The following ZNF398 variants were observed in gnomAD, a reference collection of about 807,000 sequenced individuals.
The protein encoded by ZNF398 is zinc finger DNA binding protein ZER6.
In ZNF398, 18 loss-of-function variants were observed where a neutral mutation model predicts 41.9. The ratio of observed to expected loss-of-function variants is 0.43; its 90% CI spans 0.30 to 0.64. The LOEUF (loss-of-function observed/expected upper bound fraction) is 0.64, where lower values mean the gene tolerates loss of function less well. ZNF398 is among the 30% of genes least tolerant of loss of function. ZNF398 has a pLI of 0.14. For missense variants in ZNF398, 669 were observed against 822.8 expected (o/e 0.81, Z 2.29); for synonymous variants, 260 against 308.8 (o/e 0.84, Z 1.66).
At chr7:149,160,154 C>G (rs1489983882) in intron 2 of ZNF398, among the ~76,000 whole-genome samples, 3 of 152,082 alleles carry the variant, frequency 2.0e-5, no homozygotes, top group Non-Finnish European at 2.9e-5. Flanking sequence ...ATCCTCTTTT[C>G]TAGGCCAGGC....
At chr7:149,161,249 G>A (rs577520445) in intron 2 of ZNF398, among the ~76,000 whole-genome samples, 2 of 152,222 alleles carry the variant, frequency 1.3e-5, no homozygotes, top group African/African-American at 4.8e-5. Context: ...AAAATATTGA[G>A]GAAAGGCAAA....
At chr7:149,175,021 T>G (rs917993749) in intron 4 of ZNF398, among the ~76,000 whole-genome samples, 1 of 152,200 alleles carries the variant, frequency 6.6e-6, no homozygotes, top group African/African-American at 2.4e-5. Flanking sequence ...AGCTTTTCTT[T>G]TAGGTCAGAA....
intron 4 of ZNF398, among the ~76,000 whole-genome samples, chr7:149,170,434 C>T (rs1182088620): frequency 6.6e-6 from 1 of 152,074 alleles, no homozygotes; most frequent in Non-Finnish European, 1.5e-5. Context: ...CAGCAAAAAT[C>T]TGGTGTAAAA....
At chr7:149,177,947 G>A (rs1002648619) in intron 5 of ZNF398, among the ~76,000 whole-genome samples, 10 of 151,912 alleles carry the variant, frequency 6.6e-5, no homozygotes, top group African/African-American at 1.2e-4. Flanking sequence ...CCAGGAGTTC[G>A]AGACCCCTGG....
Position 149,182,019 on chromosome 7 carries a change from G to A in ZNF398, c.*2218G>A, listed in dbSNP as rs190186917. On this transcript the variant is annotated 3_prime_UTR_variant, in exon 6 of 6. Coordinates refer to ENST00000475153, the MANE Select transcript of ZNF398 (RefSeq NM_170686.3). ...AAGCATTTGCCAGGGTATGCTGGAG[G>A]AGGGACTCCTAAAGTAGGTGAGATG... The A allele has an allele frequency of 6.6e-6, 1 of 152,338 alleles. No homozygotes were observed. The highest frequency in any genetic ancestry group is 1.9e-4 in the East Asian group (1 of 5,186). 9.4% of individuals were successfully genotyped at this position (152,338 alleles called of 1,614,324 possible). A position where few individuals can be genotyped will look rare whatever the true frequency, so the allele number is the denominator to read the frequency against.
At position 149,156,616 on chromosome 7, in the gene ZNF398, T is replaced by C. The variant is rs968564813; in HGVS notation, c.420+2276T>C. Among the ~76,000 whole-genome samples, 4 of 151,758 alleles carry C rather than the reference T, an allele frequency of 2.6e-5. 1 individual carries two copies. The highest frequency in any genetic ancestry group is 1.3e-4 in the Admixed American group (2 of 15,230). ...GCTCACGCCTGTAATCCCAGCACTT[T>C]GGGAGGCCAAGGCAGGTGGATCACC... On this transcript the variant is annotated intron_variant, in intron 2 of 5. Coordinates refer to ENST00000475153, the MANE Select transcript of ZNF398 (RefSeq NM_170686.3).
chr7:149,170,067 T>C (rs533503363), intron 4 of ZNF398, among the ~76,000 whole-genome samples: 30 of 152,312 alleles, frequency 2.0e-4, no homozygotes, highest in Non-Finnish European at 3.7e-4. Flanking sequence ...AAGGTTTTTA[T>C]TGGGGGCTAA....
At chr7:149,148,126 C>T in intron 1 of ZNF398, 1 of 258,630 alleles carries the variant, frequency 3.9e-6, no homozygotes, top group Non-Finnish European at 7.4e-6. Context: ...GCCATTCTCG[C>T]GGCCGCGGGA....
intron 2 of ZNF398, among the ~76,000 whole-genome samples, chr7:149,134,075 T>A (rs1826662506): frequency 6.7e-6 from 1 of 149,702 alleles, no homozygotes; most frequent in East Asian, 2.0e-4. Flanking sequence ...TTTTTTTTTT[T>A]TTTTTTGAGA....
chr7:149,161,032 T>G (rs1003856496), intron 2 of ZNF398, among the ~76,000 whole-genome samples: 2 of 152,052 alleles, frequency 1.3e-5, no homozygotes, highest in African/African-American at 4.8e-5. Flanking sequence ...TCTTGACCCT[T>G]GGAGCTCTCC....
chr7:149,135,029 T>C (rs576546985), intron 2 of ZNF398, among the ~76,000 whole-genome samples: 1 of 152,304 alleles, frequency 6.6e-6, no homozygotes, highest in South Asian at 2.1e-4. Context: ...TTTATTATGT[T>C]AAAGACTGTT....
chr7:149,153,045 G>T (rs1011959212), intron 1 of ZNF398, among the ~76,000 whole-genome samples: 4 of 151,964 alleles, frequency 2.6e-5, no homozygotes, highest in Non-Finnish European at 5.9e-5. Flanking sequence ...TTTTAGTAGA[G>T]ACGGGATTTC....
rs200439453 is a variant in ZNF398, at chr7:149,179,478, G to A, written c.1606G>A (p.Glu536Lys). 3 of 1,614,170 alleles carry A rather than the reference G, an allele frequency of 1.9e-6. No homozygotes were observed. The highest frequency in any genetic ancestry group is 2.2e-5 in the East Asian group (1 of 44,886). ...LLNHRRLHTG[E>K]RPFSCPHCGK... ...GAACCACCGGCGGCTGCACACAGGC[G>A]AGCGGCCCTTCAGTTGTCCTCACTG... The change falls in exon 6 of 6, where the codon GAG (glutamate) becomes AAG (lysine). Residue 536 changes from glutamate to lysine, a missense_variant. Glu to Lys is a moderately conservative substitution (Grantham distance 56). Coordinates refer to ENST00000475153, the MANE Select transcript of ZNF398 (RefSeq NM_170686.3). The surrounding 1 kb of genome is among the most constrained non-coding windows in gnomAD (Gnocchi z 6.1).
At chr7:149,128,501 C>T (rs141048380) in intron 1 of ZNF398, among the ~76,000 whole-genome samples, 95 of 152,140 alleles carry the variant, frequency 6.2e-4, no homozygotes, top group African/African-American at 2.2e-3. Context: ...AATCCCAGCA[C>T]TTTGGGAGGC....
intron 2 of ZNF398, among the ~76,000 whole-genome samples, chr7:149,162,149 G>A (rs1795117293): frequency 6.6e-6 from 1 of 152,008 alleles, no homozygotes; most frequent in East Asian, 1.9e-4. Context: ...AGCCTCCCGA[G>A]TGGCTGGGAC....
At chr7:149,134,303 T>C (rs1177827655) in intron 2 of ZNF398, among the ~76,000 whole-genome samples, 1 of 151,660 alleles carries the variant, frequency 6.6e-6, no homozygotes, top group East Asian at 1.9e-4. Context: ...AGGCTGGTCT[T>C]GAACTCCTGA....
chr7:149,160,837 C>A (rs1391367837), intron 2 of ZNF398, among the ~76,000 whole-genome samples: 1 of 152,102 alleles, frequency 6.6e-6, no homozygotes, highest in Non-Finnish European at 1.5e-5. Flanking sequence ...TGGTCTGTGC[C>A]TTATTTTTCC....
chr7:149,178,496 A>G (rs1182678617), intron 5 of ZNF398, 152 bp from the exon 6 acceptor site: 1 of 673,542 alleles, frequency 1.5e-6, no homozygotes, highest in Non-Finnish European at 2.6e-6. Context: ...ATGATTTGCC[A>G]CAGAGACCAC....
At chr7:149,146,605 T>C (rs182387256), upstream of ZNF398, among the ~76,000 whole-genome samples, 150 of 151,520 alleles carry the variant, frequency 9.9e-4, no homozygotes, top group Admixed American at 9.5e-3. Context: ...TCCTAGCACT[T>C]TGGGAGGCCA....
Sources: gnomAD v4.1 joint callset for allele counts (sites outside exome capture counted in the v4.1 genomes callset) on GRCh38, gnomAD v4.1.1 for gene constraint, Gnocchi (gnomAD v3.1) non-coding constraint, MANE v1.5 for transcripts, NCBI Gene and HGNC (gene_info 2026-07-23, HGNC 2026-07-21) for gene names.